The following RIN2 variants were observed in gnomAD, a reference collection of about 807,000 sequenced individuals.
The protein encoded by RIN2 is Ras and Rab interactor 2, also known as RAB5 interacting protein 2.
A neutral mutation model predicts 78.0 loss-of-function variants in RIN2; 36 were observed. The observed-to-expected ratio is 0.46, with a 90% CI of 0.35 to 0.61. The LOEUF is 0.61. Among genes scored for constraint, RIN2 ranks in the 20% least tolerant of loss-of-function variants. The pLI is 0.00. For missense variants in RIN2, 1,087 were observed against 1,159.7 expected (o/e 0.94, Z 0.91); for synonymous variants, 466 against 466.8 (o/e 1.00, Z 0.02).
intron 2 of RIN2, among the ~76,000 whole-genome samples, chr20:19,808,287 G>T (rs138118008): frequency 6.6e-6 from 1 of 152,328 alleles, no homozygotes; most frequent in African/African-American, 2.4e-5. Flanking sequence ...TCCTCCCTGA[G>T]CCTGGTCCCC....
chr20:19,844,686 C>T (rs71331872), intron 2 of RIN2, among the ~76,000 whole-genome samples: 5,247 of 29,006 alleles, frequency 0.18, 172 homozygotes, highest in East Asian at 0.35. Flanking sequence ...CTTCTTCTTC[C>T]TCTTCCTCTT....
chr20:19,911,739 G>GTAT (rs905067692), intron 3 of RIN2, among the ~76,000 whole-genome samples: 29 of 64,654 alleles, frequency 4.5e-4, no homozygotes, highest in African/African-American at 3.3e-3. Context: ...ATTTCATTCC[G>GTAT]TGAATTTTTG....
intron 7 of RIN2, among the ~76,000 whole-genome samples, chr20:19,969,727 A>C (rs1469197343): frequency 2.0e-5 from 3 of 152,188 alleles, no homozygotes; most frequent in Non-Finnish European, 4.4e-5. Context: ...CAAATGAATG[A>C]ATAATTATTT....
chr20:19,944,197 A>G (rs2055057731), intron 4 of RIN2, among the ~76,000 whole-genome samples: 1 of 151,962 alleles, frequency 6.6e-6, no homozygotes, highest in African/African-American at 2.4e-5. Context: ...AAAGATTTTT[A>G]GTTGATAGAT....
chr20:19,931,240 A>G (rs2040426719), intron 3 of RIN2, among the ~76,000 whole-genome samples: 1 of 152,234 alleles, frequency 6.6e-6, no homozygotes, highest in African/African-American at 2.4e-5. Flanking sequence ...GTGTGTATCT[A>G]TAAACATACA....
intron 2 of RIN2, among the ~76,000 whole-genome samples, chr20:19,875,286 G>A (rs757315872): frequency 2.0e-5 from 3 of 152,086 alleles, no homozygotes; most frequent in Admixed American, 6.5e-5. Context: ...AGCCTCCCAA[G>A]TAGCTGGGAT....
At chr20:19,958,667 G>A (rs142616990) in intron 5 of RIN2, among the ~76,000 whole-genome samples, 47 of 152,312 alleles carry the variant, frequency 3.1e-4, no homozygotes, top group African/African-American at 1.1e-3. Context: ...TCAGGAGTTC[G>A]AGACCAGCCT....
At chr20:19,826,938 G>A (rs1322332568) in intron 2 of RIN2, among the ~76,000 whole-genome samples, 1 of 150,078 alleles carries the variant, frequency 6.7e-6, no homozygotes, top group Non-Finnish European at 1.5e-5. Flanking sequence ...TATTGTTGGT[G>A]GTGGTGGTGG....
chr20:19,875,760 C>A (rs894399182), intron 2 of RIN2, among the ~76,000 whole-genome samples: 2 of 152,062 alleles, frequency 1.3e-5, no homozygotes, highest in Admixed American at 6.5e-5. Context: ...ACGTTCCCAG[C>A]AGAATGTGTC....
chr20:19,963,263 T>C (rs2041824472), intron 6 of RIN2, among the ~76,000 whole-genome samples: 1 of 152,118 alleles, frequency 6.6e-6, no homozygotes. Context: ...TGATGGTATA[T>C]GTGTAGCGGT....
rs575392991 is a variant in RIN2 at position 19,788,323 on chromosome 20, A to G, written c.-162-11299A>G. 2.6e-5 allele frequency among the ~76,000 whole-genome samples: 4 copies of G among 151,404 alleles called. No homozygotes were observed. In the South Asian group the frequency reaches 8.4e-4, roughly 32 times the overall value. On this transcript the variant is annotated intron_variant, in intron 1 of 12. Coordinates refer to ENST00000255006, the MANE Select transcript of RIN2 (RefSeq NM_018993.4). ...TAGAAAATAAGAATTGGCCAGGTGC[A>G]TTGCCTCATGCCTGTAATCCCAGCA...
At chr20:19,811,047 A>T (rs1600511824) in intron 2 of RIN2, among the ~76,000 whole-genome samples, 1 of 57,534 alleles carries the variant, frequency 1.7e-5, no homozygotes, top group South Asian at 5.9e-4. Flanking sequence ...GTTTAATATA[A>T]AAAAAAAATG....
chr20:19,867,676 T>C (rs1465334374), intron 2 of RIN2, among the ~76,000 whole-genome samples: 1 of 152,208 alleles, frequency 6.6e-6, no homozygotes, highest in Admixed American at 6.5e-5. Context: ...GGTGGCCTCC[T>C]CAGTCCCAGA....
At chr20:19,914,013 G>A (rs1170738017) in intron 3 of RIN2, among the ~76,000 whole-genome samples, 1 of 152,148 alleles carries the variant, frequency 6.6e-6, no homozygotes, top group African/African-American at 2.4e-5. Flanking sequence ...GTTGTGATGG[G>A]GTGCGTGTGA....
rs1376082165 is a variant in RIN2 at position 19,930,425 on chromosome 20, G to T, written c.58-4674G>T. 5.9e-5 allele frequency among the ~76,000 whole-genome samples: 9 copies of T among 152,322 alleles called. No homozygotes were observed. The East Asian group carries it at 1.5e-3, about 26-fold the overall frequency. ...GATCCAGCCAACAGCATCGGCAAGA[G>T]CGGTACCCAGACAAAAACAGCCTGG... On this transcript the variant is annotated intron_variant, in intron 3 of 12. Transcript: ENST00000255006.
At chr20:19,913,016 C>T (rs2039541082) in intron 3 of RIN2, among the ~76,000 whole-genome samples, 1 of 152,146 alleles carries the variant, frequency 6.6e-6, no homozygotes, top group South Asian at 2.1e-4. Context: ...ACAGTTAGGG[C>T]CCTCCTGGGC....
At chr20:19,838,870 C>T (rs1211961445) in intron 2 of RIN2, among the ~76,000 whole-genome samples, 3 of 152,150 alleles carry the variant, frequency 2.0e-5, no homozygotes, top group African/African-American at 4.8e-5. Context: ...CACTGGGGTC[C>T]CCGAGACTTC....
intron 8 of RIN2, among the ~76,000 whole-genome samples, chr20:19,971,689 C>T (rs1010928410): frequency 2.0e-5 from 3 of 149,844 alleles, no homozygotes; most frequent in Admixed American, 6.6e-5. Flanking sequence ...GAAGCTTCAG[C>T]GAGGAGCCTG....
chr20:19,998,090 T>G (rs2043028089), intron 12 of RIN2, among the ~76,000 whole-genome samples: 1 of 151,614 alleles, frequency 6.6e-6, no homozygotes. Flanking sequence ...ACGATTCTCC[T>G]GCCTCAGCCT....
Sources: gnomAD v4.1 joint callset for allele counts (sites outside exome capture counted in the v4.1 genomes callset) on GRCh38, gnomAD v4.1.1 for gene constraint, MANE v1.5 for transcripts, NCBI Gene and HGNC (gene_info 2026-07-23, HGNC 2026-07-21) for gene names.